Variants in DSTN observed in about 807,000 individuals in gnomAD.
The protein encoded by DSTN is destrin, actin depolymerizing factor.
In DSTN, 10 loss-of-function variants were observed where a neutral mutation model predicts 16.8. That is an observed-to-expected ratio of 0.60 (90% CI 0.37 to 1.01). The LOEUF (loss-of-function observed/expected upper bound fraction) is 1.01, where lower values mean the gene tolerates loss of function less well. Among genes scored for constraint, DSTN ranks in the 50% least tolerant of loss-of-function variants. DSTN has a pLI of 0.01. For synonymous variants in DSTN, 57 were observed against 58.9 expected (o/e 0.97, Z 0.14); for missense variants, 141 against 196.7 (o/e 0.72, Z 1.69).
In DSTN at chr20:17,591,961, C is replaced by T. The variant is rs147180239; in HGVS notation, c.4-8777C>T. On this transcript the variant is annotated intron_variant, in intron 1 of 3. Transcript: ENST00000246069. ...TCAGTTCACCCACTAGAGGCAAAGA[C>T]GTAAGAGAGCTACCAGCGTATTGAG... The T allele has an allele frequency of 8.1e-5, 80 of 985,344 alleles. No homozygotes were observed. In the African/African-American group the frequency reaches 1.3e-3, roughly 16 times the overall value. 61.0% of individuals were successfully genotyped at this position (985,344 alleles called of 1,614,324 possible).
At chr20:17,605,057 G>T (rs545939839) in intron 3 of DSTN, 7 of 456,840 alleles carry the variant, frequency 1.5e-5, no homozygotes, top group Admixed American at 1.2e-4. Flanking sequence ...CTTTTCTCCA[G>T]CTTTACTGTT....
chr20:17,599,478 G>A (rs1177603099), intron 1 of DSTN: 1 of 152,224 alleles, frequency 6.6e-6, no homozygotes, highest in African/African-American at 2.4e-5. Flanking sequence ...CAGCATAACA[G>A]ATACATTGAG....
intron 1 of DSTN, among the ~76,000 whole-genome samples, chr20:17,570,675 C>T (rs1027552173): frequency 6.6e-6 from 1 of 152,238 alleles, no homozygotes; most frequent in Non-Finnish European, 1.5e-5. Flanking sequence ...TGTGCGCGTT[C>T]CAGCCCTTGA....
At chr20:17,596,638 T>C (rs1446394399) in intron 1 of DSTN, 1 of 985,342 alleles carries the variant, frequency 1.0e-6, no homozygotes. Context: ...AAATTGGTTT[T>C]CTGCTTCCAG....
rs1199226421 is a variant in DSTN, at chr20:17,589,025, G to A, written c.4-11713G>A. On this transcript the variant is annotated intron_variant, in intron 1 of 3. Transcript: ENST00000246069. ...GGTAAGGGGCTGGCAGCAGGATGGCGTTCAGGAGGGAGTCTAGGGATCTTT... is the reference window on the plus strand; with the variant it reads ...GGTAAGGGGCTGGCAGCAGGATGGCATTCAGGAGGGAGTCTAGGGATCTTT... 3.3e-5 allele frequency among the ~76,000 whole-genome samples: 5 copies of A among 152,254 alleles called. No individual in the cohort carries two copies. In the South Asian group the frequency reaches 6.2e-4, roughly 19 times the overall value.
Position 17,570,208 on chromosome 20 carries a change from G to T in DSTN, c.-1G>T. The T allele has an allele frequency of 6.6e-7, 1 of 1,519,912 alleles. No homozygotes were observed. The highest frequency in any genetic ancestry group is 8.8e-7 in the Non-Finnish European group (1 of 1,137,710). 94.2% of individuals were successfully genotyped at this position (1,519,912 alleles called of 1,614,324 possible). A position where few individuals can be genotyped will look rare whatever the true frequency, so the allele number is the denominator to read the frequency against. The stretch of plus-strand genomic sequence containing the variant: ...GCGTCCCTGCGACCGCCGCGGCGAA[G>T]ATGGTGAGTAGGAGGGAGGCCGAGG... On this transcript the variant is annotated 5_prime_UTR_variant, in exon 1 of 4. Transcript: ENST00000246069.
In DSTN at chr20:17,609,700, C is replaced by T. The variant is rs755865110; in HGVS notation, c.*2554C>T. 2 of 152,170 alleles carry T rather than the reference C, an allele frequency of 1.3e-5. No homozygotes were observed. Among genetic ancestry groups the T allele is most frequent in the East Asian group, 1.9e-4 (1 of 5,194 alleles). 9.4% of individuals were successfully genotyped at this position (152,170 alleles called of 1,614,324 possible). On this transcript the variant is annotated 3_prime_UTR_variant, in exon 4 of 4. Transcript: ENST00000246069. ...GAATTGTGCTAACAAGCACTCAAGG[C>T]GATTCTGGTACATAATTAGGGTTCA...
chr20:17,590,467 A>G (rs1018140019), intron 1 of DSTN, among the ~76,000 whole-genome samples: 1 of 152,192 alleles, frequency 6.6e-6, no homozygotes, highest in Non-Finnish European at 1.5e-5. Context: ...TTTAACAGCT[A>G]TTTTTTGACA....
intron 2 of DSTN, among the ~76,000 whole-genome samples, chr20:17,601,259 G>GT (rs150970081): frequency 0.28 from 38,357 of 134,974 alleles, 6,431 homozygotes; most frequent in East Asian, 0.56. Context: ...GTGACTCTCC[G>GT]TTTTTGTTTT....
chr20:17,570,289 T>C, intron 1 of DSTN, 78 bp downstream of exon 1: 1 of 1,410,910 alleles, frequency 7.1e-7, no homozygotes, highest in South Asian at 1.5e-5. Flanking sequence ...GAGTCGGGGC[T>C]AAGGGGGTGA....
In DSTN at chr20:17,590,785, C is replaced by T. The variant is rs148478534; in HGVS notation, c.4-9953C>T. 2.4e-3 allele frequency among the ~76,000 whole-genome samples: 359 copies of T among 152,176 alleles called. 1 individual carries two copies. The highest frequency in any genetic ancestry group is 8.3e-3 in the African/African-American group (346 of 41,512). On this transcript the variant is annotated intron_variant, in intron 1 of 3. Coordinates refer to ENST00000246069, the MANE Select transcript of DSTN (RefSeq NM_006870.4). Reference sequence around the variant, plus strand: ...AAGTTTAGGTTTCTTGACAAATGAGCAATTAAATCTAATAACCTAACATTT... The same window carrying T: ...AAGTTTAGGTTTCTTGACAAATGAGTAATTAAATCTAATAACCTAACATTT...
At chr20:17,570,414 G>A (rs2035185729) in intron 1 of DSTN, among the ~76,000 whole-genome samples, 1 of 152,252 alleles carries the variant, frequency 6.6e-6, no homozygotes, top group African/African-American at 2.4e-5. Flanking sequence ...CGCGCCCCGG[G>A]GTGGATCCGC....
chr20:17,582,000 G>C (rs948298453), intron 1 of DSTN, among the ~76,000 whole-genome samples: 3 of 151,510 alleles, frequency 2.0e-5, no homozygotes, highest in African/African-American at 4.9e-5. Flanking sequence ...CTACCTTCTA[G>C]GAACCTGGCA....
chr20:17,585,785 G>GT (rs1555808806), intron 1 of DSTN, among the ~76,000 whole-genome samples: 1 of 152,008 alleles, frequency 6.6e-6, no homozygotes, highest in Non-Finnish European at 1.5e-5. Flanking sequence ...CCACTGATCT[G>GT]TTTTTTGTCT....
Position 17,601,052 on chromosome 20 carries a change from A to G in DSTN, c.311+7A>G, listed in dbSNP as rs1244925499. 6.3e-7 allele frequency: 1 copy of G among 1,584,472 alleles called. No homozygotes were observed. The highest frequency in any genetic ancestry group is 8.6e-7 in the Non-Finnish European group (1 of 1,165,064). Reference sequence around the variant, plus strand: ...AGTTGATGTTTTTTTTGTGGTAAGCATGTTAGAAATATTGAGCCTCTGTAA... The same window carrying G: ...AGTTGATGTTTTTTTTGTGGTAAGCGTGTTAGAAATATTGAGCCTCTGTAA... On this transcript the variant is annotated splice_region_variant and intron_variant, in intron 2 of 3. Coordinates refer to ENST00000246069, the MANE Select transcript of DSTN (RefSeq NM_006870.4).
chr20:17,571,142 A>C (rs1158937764), intron 1 of DSTN, among the ~76,000 whole-genome samples: 2 of 152,216 alleles, frequency 1.3e-5, no homozygotes, highest in Admixed American at 6.5e-5. Flanking sequence ...CTAATTAGCT[A>C]TTTAAAAACG....
At chr20:17,582,623 A>C (rs868579007) in intron 1 of DSTN, among the ~76,000 whole-genome samples, 1 of 152,212 alleles carries the variant, frequency 6.6e-6, no homozygotes, top group African/African-American at 2.4e-5. Flanking sequence ...TTTTCAACAA[A>C]TGGTGCTGGC....
chr20:17,577,779 A>G (rs1361477713), intron 1 of DSTN, among the ~76,000 whole-genome samples: 3 of 152,212 alleles, frequency 2.0e-5, no homozygotes, highest in African/African-American at 7.2e-5. Flanking sequence ...TTTTACACTG[A>G]AAGCACGTGT....
intron 1 of DSTN, among the ~76,000 whole-genome samples, chr20:17,592,434 A>G (rs1273908755): frequency 6.6e-6 from 1 of 151,694 alleles, no homozygotes; most frequent in Non-Finnish European, 1.5e-5. Flanking sequence ...TGTCTCAAAA[A>G]AAAAAAAAAA....
Sources: gnomAD v4.1 joint callset for allele counts (sites outside exome capture counted in the v4.1 genomes callset) on GRCh38, gnomAD v4.1.1 for gene constraint, MANE v1.5 for transcripts, NCBI Gene and HGNC (gene_info 2026-07-23, HGNC 2026-07-21) for gene names.